LRTM1: variants seen among roughly 807,000 people sequenced by gnomAD.
LRTM1 encodes leucine rich repeat transmembrane protein 1, also known as leucine-rich repeat and transmembrane domain-containing protein 1.
In LRTM1, 38 loss-of-function variants were observed where a neutral mutation model predicts 32.4. The ratio of observed to expected loss-of-function variants is 1.17; its 90% CI spans 0.91 to 1.54. The LOEUF is 1.54. LRTM1 is among the 40% of genes most tolerant of loss of function. The probability of loss-of-function intolerance (pLI) is 0.00; values close to 1 mark genes in which losing one functional copy is unlikely to be tolerated. For missense variants in LRTM1, 466 were observed against 415.4 expected (o/e 1.12, Z -1.06); for synonymous variants, 186 against 169.9 (o/e 1.09, Z -0.74).
chr3:54,937,387 G>A (rs926808681), intron 1 of LRTM1, among the ~76,000 whole-genome samples: 5 of 152,154 alleles, frequency 3.3e-5, no homozygotes, highest in Non-Finnish European at 2.9e-5. Flanking sequence ...GAGGGGGATT[G>A]GTTCCAGCAA....
intron 1 of LRTM1, among the ~76,000 whole-genome samples, chr3:54,926,540 A>G (rs1454718049): frequency 1.4e-5 from 2 of 143,190 alleles, no homozygotes; most frequent in Admixed American, 6.8e-5. Context: ...ACACACACAC[A>G]CACACACACA....
intron 1 of LRTM1, among the ~76,000 whole-genome samples, chr3:54,959,893 C>A (rs1223891550): frequency 6.6e-6 from 1 of 152,092 alleles, no homozygotes; most frequent in Non-Finnish European, 1.5e-5. Context: ...CAGATGAAGT[C>A]TGGAAAAATG....
intron 1 of LRTM1, among the ~76,000 whole-genome samples, chr3:54,934,295 C>T (rs552081289): frequency 6.6e-6 from 1 of 152,296 alleles, no homozygotes. Context: ...TATCTGGAAG[C>T]TCTGACTCAG....
Position 54,918,858 on chromosome 3 carries a change from T to C in LRTM1, c.639A>G (p.Pro213=). 1 of 1,566,020 alleles carries C rather than the reference T, an allele frequency of 6.4e-7. No homozygotes were observed. The highest frequency in any genetic ancestry group is 1.4e-5 in the African/African-American group (1 of 73,552). The change falls in exon 3 of 3, where the codon CCA becomes CCG. Residue 213 remains proline (P), a synonymous_variant. Coordinates refer to ENST00000273286, the MANE Select transcript of LRTM1 (RefSeq NM_020678.4). ...GLTDGIICES[P]DTWKGKDLLR... ...GGAGGTCCTTTCCCTTCCAGGTGTC[T>C]GGTGATTCACAGATGATGCCGTCTG... is the stretch of plus-strand genomic sequence containing the variant.
intron 2 of LRTM1, among the ~76,000 whole-genome samples, chr3:54,922,733 C>T (rs1195960118): frequency 6.6e-6 from 1 of 152,132 alleles, no homozygotes; most frequent in Non-Finnish European, 1.5e-5. Flanking sequence ...AACTCAACGA[C>T]TCCCCATGGA....
intron 1 of LRTM1, among the ~76,000 whole-genome samples, chr3:54,950,548 T>C (rs1701732766): frequency 6.6e-6 from 1 of 152,198 alleles, no homozygotes; most frequent in Non-Finnish European, 1.5e-5. Flanking sequence ...CTTCCTCCTG[T>C]TTCCCAGCCT....
At chr3:54,944,343 C>G (rs1203194450) in intron 1 of LRTM1, among the ~76,000 whole-genome samples, 1 of 151,908 alleles carries the variant, frequency 6.6e-6, no homozygotes, top group African/African-American at 2.4e-5. Flanking sequence ...ATATATCTTT[C>G]TACTTTTAAA....
chr3:54,928,134 T>G, upstream of LRTM1: 1 of 550,252 alleles, frequency 1.8e-6, no homozygotes, highest in Non-Finnish European at 3.2e-6. Context: ...TCAGTTTCCA[T>G]AAGAGGATCT....
At position 54,918,826 on chromosome 3, in the gene LRTM1, A is replaced by C. The variant is rs776538620; in HGVS notation, c.671T>G (p.Ile224Ser). The C allele has an allele frequency of 6.2e-7, 1 of 1,601,258 alleles. No homozygotes were observed. Among genetic ancestry groups the C allele is most frequent in the Admixed American group, 1.7e-5 (1 of 59,216 alleles). The stretch of plus-strand genomic sequence containing the variant: ...GCAGGGCTGGTACAGCTCATGAGGG[A>C]TCCTAAGGAGGTCCTTTCCCTTCCA... ...DTWKGKDLLRIPHELYQPCPL... is the reference protein window; with the variant it reads ...DTWKGKDLLRSPHELYQPCPL... Residue 224 changes from isoleucine to serine, a missense_variant, in exon 3 of 3, where the codon ATC becomes AGC. Transcript: ENST00000273286.
chr3:54,938,440 A>G (rs1390202893), intron 1 of LRTM1, among the ~76,000 whole-genome samples: 1 of 152,206 alleles, frequency 6.6e-6, no homozygotes, highest in Non-Finnish European at 1.5e-5. Flanking sequence ...TAGATAGCCA[A>G]CTGGTGGCAC....
chr3:54,931,525 A>C (rs1015709861), upstream of LRTM1, among the ~76,000 whole-genome samples: 6 of 152,300 alleles, frequency 3.9e-5, no homozygotes, highest in African/African-American at 1.4e-4. Context: ...AGAGGAACCA[A>C]GGAGAGATGC....
At chr3:54,946,425 A>G (rs1237428428) in intron 1 of LRTM1, among the ~76,000 whole-genome samples, 1 of 152,246 alleles carries the variant, frequency 6.6e-6, no homozygotes, top group Non-Finnish European at 1.5e-5. Context: ...TCCCCAGCAC[A>G]GAGATCCTCA....
chr3:54,966,966 A>G (rs973624640), exon 1 of LRTM1: 1 of 152,250 alleles, frequency 6.6e-6, no homozygotes, highest in Non-Finnish European at 1.5e-5. Flanking sequence ...TGCTGGAGGC[A>G]GGGGTCCAGC....
rs200474589 is a variant in LRTM1 at position 54,918,556 on chromosome 3, G to C, written c.941C>G (p.Ala314Gly). ...LAAAIYGCTY[A>G]AITAQYHGGP... ...CCCATGGTACTGGGCTGTGATTGCCGCATAGGTGCAGCCATAGATGGCAGC... is the reference window on the plus strand; with the variant it reads ...CCCATGGTACTGGGCTGTGATTGCCCCATAGGTGCAGCCATAGATGGCAGC... The change falls in exon 3 of 3, where the codon GCG becomes GGG. Residue 314 changes from alanine to glycine, a missense_variant. Transcript: ENST00000273286. 3.7e-6 allele frequency: 6 copies of C among 1,613,932 alleles called. No individual in the cohort carries two copies. In the African/African-American group the frequency reaches 6.7e-5, roughly 18 times the overall value.
At chr3:54,944,818 T>G (rs941376373) in intron 1 of LRTM1, among the ~76,000 whole-genome samples, 7 of 100,848 alleles carry the variant, frequency 6.9e-5, no homozygotes, top group Non-Finnish European at 1.4e-4. Context: ...GCTGGGGGTG[T>G]GTGTGTGTGT....
At chr3:54,919,067 G>T (rs541057412) in intron 2 of LRTM1, among the ~76,000 whole-genome samples, 175 bp from the exon 3 acceptor site, 1 of 151,642 alleles carries the variant, frequency 6.6e-6, no homozygotes. Context: ...TCCTAAATTG[G>T]CTAAATACTA....
intron 1 of LRTM1, among the ~76,000 whole-genome samples, chr3:54,948,861 T>C (rs188328448): frequency 6.6e-6 from 1 of 152,316 alleles, no homozygotes; most frequent in East Asian, 1.9e-4. Context: ...CAAACTCAGA[T>C]TGGTTTAAGC....
upstream of LRTM1, among the ~76,000 whole-genome samples, chr3:54,931,334 G>C (rs534374593): frequency 1.2e-4 from 18 of 152,316 alleles, no homozygotes; most frequent in African/African-American, 4.3e-4. Flanking sequence ...CACATGGCCT[G>C]GACTGCCCGC....
intron 1 of LRTM1, among the ~76,000 whole-genome samples, chr3:54,949,181 A>G (rs1310811797): frequency 6.6e-6 from 1 of 152,136 alleles, no homozygotes; most frequent in African/African-American, 2.4e-5. Context: ...TCTCCTTGAT[A>G]TAGTTTTGGT....
Sources: gnomAD v4.1 joint callset for allele counts (sites outside exome capture counted in the v4.1 genomes callset) on GRCh38, gnomAD v4.1.1 for gene constraint, MANE v1.5 for transcripts, NCBI Gene and HGNC (gene_info 2026-07-23, HGNC 2026-07-21) for gene names.